Variants in DMXL1 observed in about 807,000 individuals in gnomAD.
DMXL1 encodes the protein Dmx like 1.
In DMXL1, 99 loss-of-function variants were observed where a neutral mutation model predicts 319.2. That is an observed-to-expected ratio of 0.31 (90% CI 0.26 to 0.37). The LOEUF is 0.37. Among genes scored for constraint, DMXL1 ranks in the 10% least tolerant of loss-of-function variants. The pLI is 1.00. For synonymous variants in DMXL1, 1,385 were observed against 1,235.2 expected, an observed-to-expected ratio of 1.12 and a Z score of -2.54; for missense variants, 3,745 against 3,595.6, an observed-to-expected ratio of 1.04 and a Z score of -1.06.
At position 119,164,659 on chromosome 5, in the gene DMXL1, C is replaced by G. The variant is rs201096718; in HGVS notation, c.4855C>G (p.Arg1619Gly). The change falls in exon 20 of 44, where the codon CGC (arginine) becomes GGC (glycine). Residue 1619 changes from arginine to glycine, a missense_variant. Coordinates refer to ENST00000539542, the MANE Select transcript of DMXL1 (RefSeq NM_001290321.3). The stretch of plus-strand genomic sequence containing the variant: ...GTGGGTCCGGAATACCCGCATCTTA[C>G]GCAAATGCATAGAAAAAGTAAGTGT... The part of the protein sequence containing the change: ...GWWVRNTRIL[R>G]KCIEKVAKAA... 1.2e-4 allele frequency: 192 copies of G among 1,598,174 alleles called. No individual in the cohort carries two copies. Among genetic ancestry groups the G allele is most frequent in the Admixed American group, 1.9e-4 (11 of 58,928 alleles).
chr5:119,154,173 TAAC>T (rs1274496300), intron 19 of DMXL1, among the ~76,000 whole-genome samples: 3 of 152,186 alleles, frequency 2.0e-5, no homozygotes, highest in Non-Finnish European at 4.4e-5. Flanking sequence ...TAGGACAGTT[TAAC>T]AACCCTACAA....
chr5:119,074,464 AC>A (rs1750363582), intron 1 of DMXL1, among the ~76,000 whole-genome samples: 2 of 152,110 alleles, frequency 1.3e-5, no homozygotes, highest in African/African-American at 4.8e-5. Context: ...CAGATAACTT[AC>A]GTGTTCTTGG....
chr5:119,202,877 A>G (rs969869420), intron 32 of DMXL1, among the ~76,000 whole-genome samples: 36 of 108,096 alleles, frequency 3.3e-4, no homozygotes, highest in Middle Eastern at 5.0e-3. Flanking sequence ...ATATATATAT[A>G]TATATTTTTA....
At chr5:119,152,746 C>G (rs374603796) in intron 19 of DMXL1, among the ~76,000 whole-genome samples, 7 of 152,228 alleles carry the variant, frequency 4.6e-5, no homozygotes, top group East Asian at 1.9e-4. Flanking sequence ...GGCTCATCTC[C>G]CGGGAAGTTC....
At chr5:119,140,392 C>A (rs1219654824) in intron 13 of DMXL1, among the ~76,000 whole-genome samples, 1 of 151,576 alleles carries the variant, frequency 6.6e-6, no homozygotes. Flanking sequence ...AATAGAAAAT[C>A]CAAATAAACC....
At position 119,170,688 on chromosome 5, in the gene DMXL1, TAAAATGGGACAGTG is replaced by T; in HGVS notation, c.5899_5912del (p.Lys1967Ter). 6.2e-7 allele frequency: 1 copy of T among 1,613,604 alleles called. No homozygotes were observed. Among genetic ancestry groups the T allele is most frequent in the Non-Finnish European group, 8.5e-7 (1 of 1,179,896 alleles). On this transcript the variant is annotated frameshift_variant, in exon 24 of 44. Transcript: ENST00000539542. LOFTEE classifies it high-confidence loss of function. The stretch of plus-strand genomic sequence containing the variant: ...GTGTTTCAGGATGACTCTTTAGAGT[TAAAATGGGACAGTG>T]ATAATGATGAAGAAAATGAGGATGT...
intron 28 of DMXL1, among the ~76,000 whole-genome samples, chr5:119,179,469 A>G (rs1776420169): frequency 6.6e-6 from 1 of 152,114 alleles, no homozygotes; most frequent in Admixed American, 6.6e-5. Flanking sequence ...TGGGAGGTCA[A>G]GCAGTTGGTG....
intron 25 of DMXL1, among the ~76,000 whole-genome samples, chr5:119,174,157 G>A (rs1476749024): frequency 6.6e-6 from 1 of 152,038 alleles, no homozygotes; most frequent in Non-Finnish European, 1.5e-5. Context: ...TCAAATGTTT[G>A]TCTCATCTGA....
chr5:119,212,354 G>A (rs79240514), intron 34 of DMXL1, among the ~76,000 whole-genome samples: 4,634 of 152,204 alleles, frequency 0.03, 219 homozygotes, highest in African/African-American at 0.11. Flanking sequence ...TAATGTCTTT[G>A]AGGTTCATCC....
chr5:119,172,363 C>A (rs550531607), intron 25 of DMXL1, among the ~76,000 whole-genome samples: 1 of 152,186 alleles, frequency 6.6e-6, no homozygotes, highest in Non-Finnish European at 1.5e-5. Flanking sequence ...CTAAAGAAAT[C>A]CACATTTTAA....
At chr5:119,169,959 G>A (rs2150256252) in intron 23 of DMXL1, among the ~76,000 whole-genome samples, 1 of 152,300 alleles carries the variant, frequency 6.6e-6, no homozygotes, top group East Asian at 1.9e-4. Flanking sequence ...TACCTGAAGA[G>A]ACTTGTTTCA....
At chr5:119,214,286 C>G (rs575853990) in intron 34 of DMXL1, among the ~76,000 whole-genome samples, 2 of 152,266 alleles carry the variant, frequency 1.3e-5, no homozygotes, top group South Asian at 2.1e-4. Flanking sequence ...AGTCCATTAA[C>G]AAAATGTATC....
At position 119,193,915 on chromosome 5, in the gene DMXL1, G is replaced by T; in HGVS notation, c.7402G>T (p.Asp2468Tyr). Residue 2468 changes from aspartate to tyrosine, a missense_variant, in exon 30 of 44, where the codon GAT becomes TAT. Asp to Tyr is a radical substitution (Grantham distance 160). Coordinates refer to ENST00000539542, the MANE Select transcript of DMXL1 (RefSeq NM_001290321.3). ...SDDDDNDDDD[D>Y]VLASDFHLQE... is the part of the protein sequence containing the mutation. ...TGATGATGACAATGATGATGATGAT[G>T]ATGTTTTAGCATCAGATTTCCATCT... 1.3e-5 allele frequency: 21 copies of T among 1,611,574 alleles called. No homozygotes were observed. Among genetic ancestry groups the T allele is most frequent in the Non-Finnish European group, 1.8e-5 (21 of 1,178,504 alleles).
chr5:119,073,342 G>C (rs564214782), intron 1 of DMXL1, among the ~76,000 whole-genome samples: 2 of 152,184 alleles, frequency 1.3e-5, no homozygotes, highest in African/African-American at 2.4e-5. Flanking sequence ...GATTAGAGGC[G>C]TGAGCCACCA....
chr5:119,224,660 G>A (rs1024715064), intron 37 of DMXL1, 49 bp from the exon 38 acceptor site: 6 of 693,242 alleles, frequency 8.7e-6, no homozygotes, highest in Non-Finnish European at 1.1e-5. Flanking sequence ...CAATTTAAAT[G>A]TTTAATCCTT....
chr5:119,231,180 C>T (rs1237268932), intron 38 of DMXL1, among the ~76,000 whole-genome samples: 2 of 152,198 alleles, frequency 1.3e-5, no homozygotes, highest in East Asian at 3.9e-4. Flanking sequence ...TAAAAACTTC[C>T]CTGTTGTGGC....
rs1395595906 is a variant in DMXL1 at position 119,189,881 on chromosome 5, G to T, written c.7309G>T (p.Ala2437Ser). The change falls in exon 29 of 44, where the codon GCT (alanine) becomes TCT (serine). Residue 2437 changes from alanine to serine, a missense_variant. Coordinates refer to ENST00000539542, the MANE Select transcript of DMXL1 (RefSeq NM_001290321.3). ...GCTCAGTATCTGGGACTATTTCATAGCTAAGGTAATTAAAATGCTATCTAG... is the reference window on the plus strand; with the variant it reads ...GCTCAGTATCTGGGACTATTTCATATCTAAGGTAATTAAAATGCTATCTAG... ...PELSIWDYFI[A>S]KPFLPSSQSR... 6.2e-7 allele frequency: 1 copy of T among 1,612,708 alleles called. No homozygotes were observed. The highest frequency in any genetic ancestry group is 2.2e-5 in the East Asian group (1 of 44,846).
At chr5:119,205,799 G>T (rs912172837) in intron 33 of DMXL1, among the ~76,000 whole-genome samples, 5 of 151,968 alleles carry the variant, frequency 3.3e-5, no homozygotes, top group African/African-American at 1.2e-4. Context: ...TTACCGGAAA[G>T]GTTACTAGCC....
Position 119,249,105 on chromosome 5 carries a change from A to G in DMXL1, c.*1886A>G, listed in dbSNP as rs996424111. The G allele has an allele frequency of 3.9e-5, 6 of 152,612 alleles. No individual in the cohort carries two copies. Among genetic ancestry groups the G allele is most frequent in the African/African-American group, 1.4e-4 (6 of 41,464 alleles). 9.5% of individuals were successfully genotyped at this position (152,612 alleles called of 1,614,324 possible). ...TACATCCAGAGTCATAATATTTTAA[A>G]TAAACAATCATGCAGAAACTTTTTT... On this transcript the variant is annotated 3_prime_UTR_variant, in exon 44 of 44. Transcript: ENST00000539542.
Sources: gnomAD v4.1 joint callset for allele counts (sites outside exome capture counted in the v4.1 genomes callset) on GRCh38, gnomAD v4.1.1 for gene constraint, MANE v1.5 for transcripts, NCBI Gene and HGNC (gene_info 2026-07-23, HGNC 2026-07-21) for gene names.